Variants in GRID2IP observed in about 807,000 individuals in gnomAD.
GRID2IP encodes delphilin.
Under a neutral mutation model 114.3 loss-of-function variants are expected in GRID2IP, and 78 were observed. The observed-to-expected ratio is 0.68, with a 90% CI of 0.57 to 0.82. The LOEUF (loss-of-function observed/expected upper bound fraction) is 0.82. Ranked by LOEUF, GRID2IP falls within the 40% of genes least tolerant of loss-of-function variation. The probability of loss-of-function intolerance (pLI) is 0.00; values close to 1 mark genes in which losing one functional copy is unlikely to be tolerated. For synonymous variants in GRID2IP, 809 were observed against 724.0 expected, an observed-to-expected ratio of 1.12 and a Z score of -1.89; for missense variants, 1,727 against 1,678.5, an observed-to-expected ratio of 1.03 and a Z score of -0.51.
rs976763918 is a variant in GRID2IP, at chr7:6,536,872, A to G, written c.584+2846T>C. 40 of 474,246 alleles carry G rather than the reference A, an allele frequency of 8.4e-5. No individual in the cohort carries two copies. Among genetic ancestry groups the G allele is most frequent in the African/African-American group, 8.0e-4 (35 of 43,564 alleles). The allele number at this position is 474,246 out of a possible 1,614,324, so 29.4% of individuals were successfully genotyped here. A position where few individuals can be genotyped will look rare whatever the true frequency, so the allele number is the denominator to read the frequency against. ...TGGCCTCTTTCGGTGGTGGTCGCCT[A>G]TGCTCCGCTGCAGAGCCGAGAGCTG... On this transcript the variant is annotated intron_variant, in intron 2 of 21. Transcript: ENST00000457091. This position sits in a 1 kb window ranked among gnomAD's most constrained non-coding sequence, Gnocchi z 5.3.
rs1160003355 is a variant in GRID2IP, at chr7:6,550,251, C to A, written c.429+757G>T. Among the ~76,000 whole-genome samples the A allele has an allele frequency of 2.6e-5, 4 of 152,092 alleles. No individual in the cohort carries two copies. In the East Asian group the frequency reaches 7.7e-4, roughly 29 times the overall value. ...CAAGTGATCCTCCCACCTTGGTCTCCTAAAATGCTAGGATTACATCTAGCA... is the reference window on the plus strand; with the variant it reads ...CAAGTGATCCTCCCACCTTGGTCTCATAAAATGCTAGGATTACATCTAGCA... On this transcript the variant is annotated intron_variant, in intron 1 of 21. Transcript: ENST00000457091.
chr7:6,504,621 C>T (rs1200153670), intron 15 of GRID2IP, among the ~76,000 whole-genome samples, 172 bp downstream of exon 15: 1 of 152,098 alleles, frequency 6.6e-6, no homozygotes, highest in Non-Finnish European at 1.5e-5. Flanking sequence ...GCACCCGCGC[C>T]CAGATGGGAT....
intron 1 of GRID2IP, among the ~76,000 whole-genome samples, chr7:6,541,240 G>A (rs532120588): frequency 1.3e-5 from 2 of 152,232 alleles, no homozygotes; most frequent in South Asian, 2.1e-4. Context: ...ACGGCGTCAC[G>A]GGGTGAAAGT....
In GRID2IP at chr7:6,503,116, G is replaced by T. The variant is rs1786464276; in HGVS notation, c.2955C>A (p.Phe985Leu). The change falls in exon 17 of 22, where the codon TTC (phenylalanine) becomes TTA (leucine). Residue 985 changes from phenylalanine to leucine, a missense_variant. Phe to Leu is a conservative substitution (Grantham distance 22). Coordinates refer to ENST00000457091, the MANE Select transcript of GRID2IP (RefSeq NM_001145118.2). Reference protein sequence around the residue: ...EYKTRLRSLHFQATLQEKTEE... With the variant: ...EYKTRLRSLHLQATLQEKTEE... Reference sequence around the variant, plus strand: ...CTGTCTTCTCCTGGAGGGTGGCCTGGAAGTGGAGGCTGCGCAGGCGTGTCT... The same window carrying T: ...CTGTCTTCTCCTGGAGGGTGGCCTGTAAGTGGAGGCTGCGCAGGCGTGTCT... 6.5e-7 allele frequency: 1 copy of T among 1,550,020 alleles called. No individual in the cohort carries two copies. The highest frequency in any genetic ancestry group is 1.4e-5 in the African/African-American group (1 of 73,018).
At chr7:6,505,799 C>T (rs1303584102) in intron 14 of GRID2IP, 21 bp downstream of exon 14, 1 of 1,517,274 alleles carries the variant, frequency 6.6e-7, no homozygotes, top group African/African-American at 1.4e-5. Flanking sequence ...GGGGTTCCCC[C>T]AAGGCCATCA....
In GRID2IP at chr7:6,510,599, A is replaced by G; in HGVS notation, c.1653+10T>C. On this transcript the variant is annotated intron_variant, in intron 10 of 21. Coordinates refer to ENST00000457091, the MANE Select transcript of GRID2IP (RefSeq NM_001145118.2). ...TACTGACCCCACGTGGAGGGCAGAG[A>G]AGGTCTCACCATCTTGGGGTTGGGG... 17 of 1,526,798 alleles carry G rather than the reference A, an allele frequency of 1.1e-5. No homozygotes were observed. Among genetic ancestry groups the G allele is most frequent in the Non-Finnish European group, 1.5e-5 (17 of 1,136,012 alleles). The allele number at this position is 1,526,798 out of a possible 1,614,324, so 94.6% of individuals were successfully genotyped here. A position where few individuals can be genotyped will look rare whatever the true frequency, so the allele number is the denominator to read the frequency against.
At position 6,526,316 on chromosome 7, in the gene GRID2IP, G is replaced by T; in HGVS notation, c.834-7C>A. On this transcript the variant is annotated splice_polypyrimidine_tract_variant and splice_region_variant and intron_variant, in intron 3 of 21. Coordinates refer to ENST00000457091, the MANE Select transcript of GRID2IP (RefSeq NM_001145118.2). The surrounding 1 kb of genome is among the most constrained non-coding windows in gnomAD (Gnocchi z 7.6). ...TTTGTAGACTCGGACAGTCCTGGGG[G>T]AAAAAGAAGGGGCGAGCAGCATGAT... 6.4e-7 allele frequency: 1 copy of T among 1,551,354 alleles called. No individual in the cohort carries two copies. Among genetic ancestry groups the T allele is most frequent in the South Asian group, 1.2e-5 (1 of 84,058 alleles).
chr7:6,538,414 T>G (rs1457381764), intron 2 of GRID2IP, among the ~76,000 whole-genome samples: 2 of 145,506 alleles, frequency 1.4e-5, no homozygotes, highest in Admixed American at 6.9e-5. Context: ...ACAAGAAAAG[T>G]AATCAGGCCG....
chr7:6,544,953 G>A (rs1464379375), intron 1 of GRID2IP, among the ~76,000 whole-genome samples: 1 of 152,090 alleles, frequency 6.6e-6, no homozygotes, highest in African/African-American at 2.4e-5. Context: ...TGGGCGTGAT[G>A]GCGGGCGCCT....
At chr7:6,540,084 TTCCCCTCCCC>T (rs545698566) in intron 1 of GRID2IP, among the ~76,000 whole-genome samples, 3 of 147,774 alleles carry the variant, frequency 2.0e-5, no homozygotes, top group Non-Finnish European at 4.5e-5. Context: ...CCTTCTTCCC[TTCCCCTCCCC>T]TCCCCTCCCC....
intron 2 of GRID2IP, among the ~76,000 whole-genome samples, chr7:6,530,637 A>G (rs1562522037): frequency 6.6e-6 from 1 of 152,016 alleles, no homozygotes; most frequent in Non-Finnish European, 1.5e-5. Context: ...CAAGGGGACA[A>G]GGGTTCCCTG....
chr7:6,540,049 T>G (rs1779788981), intron 1 of GRID2IP, among the ~76,000 whole-genome samples, 177 bp from the exon 2 acceptor site: 1 of 151,514 alleles, frequency 6.6e-6, no homozygotes, highest in African/African-American at 2.4e-5. Flanking sequence ...CTTTCTCTCT[T>G]CCTTCCTTTC....
At chr7:6,537,514 A>G (rs1779747866) in intron 2 of GRID2IP, among the ~76,000 whole-genome samples, 1 of 146,042 alleles carries the variant, frequency 6.8e-6, no homozygotes, top group African/African-American at 2.5e-5. Context: ...AGTAGCTAGG[A>G]TTACAGGCGC....
chr7:6,510,831 TC>T, intron 9 of GRID2IP, 76 bp downstream of exon 9: 1 of 1,492,014 alleles, frequency 6.7e-7, no homozygotes, highest in South Asian at 1.2e-5. Context: ...TCCCTGGGAT[TC>T]CCCACCTCAC....
chr7:6,531,076 C>A, intron 2 of GRID2IP: 1 of 625,904 alleles, frequency 1.6e-6, no homozygotes, highest in South Asian at 1.7e-5. Context: ...ACCGAAAGTG[C>A]CGAGAGAAGC....
rs542023559 is a variant in GRID2IP at position 6,521,828 on chromosome 7, G to A, written c.989+60C>T. On this transcript the variant is annotated intron_variant, in intron 5 of 21. Transcript: ENST00000457091. This position sits in a 1 kb window ranked among gnomAD's most constrained non-coding sequence, Gnocchi z 4.1. ...AGCCTGGGTGCCCCAAGAGGCAGGA[G>A]TCTTGCAGGGGGTGGGGGCAGCTCC... The A allele has an allele frequency of 3.1e-6, 4 of 1,299,128 alleles. No individual in the cohort carries two copies. Among genetic ancestry groups the A allele is most frequent in the East Asian group, 2.5e-5 (1 of 39,704 alleles). 80.5% of individuals were successfully genotyped at this position (1,299,128 alleles called of 1,614,324 possible).
Position 6,507,840 on chromosome 7 carries a change from T to G in GRID2IP, c.2544+145A>C, listed in dbSNP as rs1428771068. On this transcript the variant is annotated intron_variant, in intron 13 of 21. Coordinates refer to ENST00000457091, the MANE Select transcript of GRID2IP (RefSeq NM_001145118.2). This position sits in a 1 kb window ranked among gnomAD's most constrained non-coding sequence, Gnocchi z 5.3. ...GCAGTGGCCCCCAAGCGTGGGGACG[T>G]TCTTGGGCTGGGCCTCTACTCATCC... is the stretch of plus-strand genomic sequence containing the variant. 7.6e-7 allele frequency: 1 copy of G among 1,311,674 alleles called. No individual in the cohort carries two copies. The highest frequency in any genetic ancestry group is 1.0e-6 in the Non-Finnish European group (1 of 986,460). The allele number at this position is 1,311,674 out of a possible 1,614,324, so 81.3% of individuals were successfully genotyped here.
Position 6,502,080 on chromosome 7 carries a change from G to A in GRID2IP, c.3189C>T (p.Phe1063=), listed in dbSNP as rs1175463347. The A allele has an allele frequency of 2.6e-6, 4 of 1,551,386 alleles. No individual in the cohort carries two copies. The highest frequency in any genetic ancestry group is 2.0e-5 in the Admixed American group (1 of 50,974). ...STKTVDGKST[F]LHILAKSLSQ... ...TCAGCGATTTGGCAAGGATGTGCAGGAAGGTGGACTTCCCATCCACTGTCT... is the reference window on the plus strand; with the variant it reads ...TCAGCGATTTGGCAAGGATGTGCAGAAAGGTGGACTTCCCATCCACTGTCT... Residue 1063 remains phenylalanine, a synonymous_variant, in exon 19 of 22, where the codon TTC becomes TTT. Transcript: ENST00000457091.
In GRID2IP at chr7:6,508,316, C is replaced by T. The variant is rs998579766; in HGVS notation, c.2213G>A (p.Ser738Asn). ...AGAGATGGAGGAGTAGGTCAGGGAG[C>T]TGCCTTCTTCACTGCTGCTGATGCA... Reference protein sequence around the residue: ...SDCISSSEEGSSLTYSSISDH... With the variant: ...SDCISSSEEGNSLTYSSISDH... The change falls in exon 13 of 22, where the codon AGC (serine) becomes AAC (asparagine). Residue 738 changes from serine (S) to asparagine (N), a missense_variant. Ser to Asn is a conservative substitution (Grantham distance 46). Transcript: ENST00000457091. This position sits in a 1 kb window ranked among gnomAD's most constrained non-coding sequence, Gnocchi z 5.6. The T allele has an allele frequency of 2.6e-6, 4 of 1,550,858 alleles. No individual in the cohort carries two copies.
Sources: gnomAD v4.1 joint callset for allele counts (sites outside exome capture counted in the v4.1 genomes callset) on GRCh38, gnomAD v4.1.1 for gene constraint, Gnocchi (gnomAD v3.1) non-coding constraint, MANE v1.5 for transcripts, NCBI Gene and HGNC (gene_info 2026-07-23, HGNC 2026-07-21) for gene names.